RBM19: variants seen among roughly 807,000 people sequenced by gnomAD.
RBM19 encodes RNA binding motif protein 19, also known as probable RNA-binding protein 19.
A neutral mutation model predicts 116.8 loss-of-function variants in RBM19; 94 were observed. The observed-to-expected ratio is 0.80, with a 90% CI of 0.68 to 0.95. The LOEUF is 0.95. RBM19 is among the 40% of genes least tolerant of loss of function. The pLI, the probability that RBM19 is intolerant of heterozygous loss-of-function variation, is 0.00. For synonymous variants in RBM19, 475 were observed against 494.1 expected (o/e 0.96, Z 0.51); for missense variants, 1,161 against 1,220.7 (o/e 0.95, Z 0.73).
intron 21 of RBM19, among the ~76,000 whole-genome samples, chr12:113,881,034 G>C (rs1880080013): frequency 6.6e-6 from 1 of 152,160 alleles, no homozygotes; most frequent in African/African-American, 2.4e-5. Flanking sequence ...ATCACATCCT[G>C]AACACCATCA....
intron 23 of RBM19, among the ~76,000 whole-genome samples, chr12:113,829,612 G>C (rs1329024490): frequency 6.6e-6 from 1 of 152,204 alleles, no homozygotes; most frequent in Middle Eastern, 3.2e-3. Context: ...CAGCCATGGG[G>C]GCCACACTGG....
At chr12:113,857,882 A>G (rs1349880802) in intron 22 of RBM19, among the ~76,000 whole-genome samples, 1 of 152,188 alleles carries the variant, frequency 6.6e-6, no homozygotes, top group Admixed American at 6.5e-5. Context: ...GGAAATGTTC[A>G]CTGTTCTTCT....
intron 16 of RBM19, among the ~76,000 whole-genome samples, chr12:113,927,787 T>C (rs1252692714): frequency 6.6e-6 from 1 of 152,038 alleles, no homozygotes; most frequent in African/African-American, 2.4e-5. Flanking sequence ...ACACAAAAGG[T>C]GTGGTTTTGT....
chr12:113,851,848 C>T lies in RBM19; in HGVS notation c.2664+6943G>A, dbSNP rs190213126. 4.6e-3 allele frequency among the ~76,000 whole-genome samples: 692 copies of T among 151,212 alleles called. 8 individuals carry two copies. The highest frequency in any genetic ancestry group is 0.016 in the African/African-American group (640 of 41,202). On this transcript the variant is annotated intron_variant, in intron 22 of 23. Coordinates refer to ENST00000261741, the MANE Select transcript of RBM19 (RefSeq NM_016196.4). ...TGGGAATCACTTGAGGCCAGGAGTT[C>T]GAGACTAGCCTGACCAACATGGAGA...
intron 4 of RBM19, 70 bp from the exon 5 acceptor site, chr12:113,959,474 G>A: frequency 6.7e-7 from 1 of 1,496,654 alleles, no homozygotes; most frequent in Non-Finnish European, 9.1e-7. Flanking sequence ...GAAGGCTCAG[G>A]TGGGGCTTGA....
intron 23 of RBM19, among the ~76,000 whole-genome samples, chr12:113,829,820 A>G (rs1875210794): frequency 6.6e-6 from 1 of 152,220 alleles, no homozygotes; most frequent in Non-Finnish European, 1.5e-5. Flanking sequence ...ATGAAAGCTA[A>G]CAATCAAAGG....
In RBM19 at chr12:113,825,257, C is replaced by A. The variant is rs1418808370; in HGVS notation, c.2786-1936G>T. ...TGCAGAAGGTGCGGGAGGTGCCCAC[C>A]TGCCTGCCACCTGAGAGCCTCAAGG... is the stretch of plus-strand genomic sequence containing the variant. On this transcript the variant is annotated intron_variant, in intron 23 of 23. Coordinates refer to ENST00000261741, the MANE Select transcript of RBM19 (RefSeq NM_016196.4). The surrounding 1 kb of genome is among the most constrained non-coding windows in gnomAD (Gnocchi z 5.7). 1.3e-5 allele frequency among the ~76,000 whole-genome samples: 2 copies of A among 151,750 alleles called. No homozygotes were observed. The highest frequency in any genetic ancestry group is 4.8e-5 in the African/African-American group (2 of 41,356).
intron 21 of RBM19, among the ~76,000 whole-genome samples, chr12:113,861,474 CTGTGTGTGTGTGTGTGTG>C (rs57704604): frequency 3.2e-5 from 4 of 126,420 alleles, no homozygotes; most frequent in African/African-American, 1.2e-4. Flanking sequence ...AAGCCAGACT[CTGTGTGTGTGTGTGTGTG>C]TGTGTGTGTG....
At chr12:113,947,733 T>C (rs1008505081) in intron 10 of RBM19, among the ~76,000 whole-genome samples, 9 of 152,234 alleles carry the variant, frequency 5.9e-5, no homozygotes, top group African/African-American at 2.2e-4. Context: ...ACCTAGCTCA[T>C]GGGCTAAATG....
At chr12:113,840,276 C>G (rs1016508397) in intron 23 of RBM19, among the ~76,000 whole-genome samples, 3 of 152,188 alleles carry the variant, frequency 2.0e-5, no homozygotes, top group African/African-American at 7.2e-5. Context: ...CTCAGGCCAC[C>G]TTCTTGCCCC....
chr12:113,854,349 C>T (rs1241242363), intron 22 of RBM19, among the ~76,000 whole-genome samples: 4 of 152,112 alleles, frequency 2.6e-5, no homozygotes, highest in Admixed American at 6.5e-5. Flanking sequence ...GGTTGCATGG[C>T]GTTGATGACA....
intron 21 of RBM19, among the ~76,000 whole-genome samples, chr12:113,911,361 C>T (rs917208511): frequency 5.3e-5 from 8 of 152,294 alleles, no homozygotes; most frequent in African/African-American, 1.9e-4. Context: ...TACAGGATTA[C>T]AGCCTTCCTT....
intron 23 of RBM19, among the ~76,000 whole-genome samples, chr12:113,836,910 C>A (rs1331821251): frequency 2.5e-5 from 1 of 40,778 alleles, no homozygotes. Context: ...ACACCCCCCC[C>A]CCCCCCACAT....
At chr12:113,904,933 G>A (rs577870553) in intron 21 of RBM19, among the ~76,000 whole-genome samples, 1 of 152,270 alleles carries the variant, frequency 6.6e-6, no homozygotes, top group East Asian at 1.9e-4. Flanking sequence ...CTCTGCCATA[G>A]TCCTCACCAA....
intron 10 of RBM19, among the ~76,000 whole-genome samples, chr12:113,948,393 C>T (rs1014944225): frequency 6.6e-6 from 1 of 152,180 alleles, no homozygotes; most frequent in Non-Finnish European, 1.5e-5. Flanking sequence ...ATTTGGTGCT[C>T]AGCTTGGATA....
chr12:113,958,340 T>G (rs190569348), intron 5 of RBM19, among the ~76,000 whole-genome samples: 3 of 152,198 alleles, frequency 2.0e-5, no homozygotes, highest in Admixed American at 1.3e-4. Flanking sequence ...CTTTACAGAG[T>G]AGGTACAGGA....
In RBM19 at chr12:113,950,084, C is replaced by A. The variant is rs201753753; in HGVS notation, c.1071G>T (p.Met357Ile). The change falls in exon 9 of 24, where the codon ATG (methionine) becomes ATT (isoleucine). Residue 357 changes from methionine (M) to isoleucine (I), a missense_variant and splice_region_variant. Coordinates refer to ENST00000261741, the MANE Select transcript of RBM19 (RefSeq NM_016196.4). ...AGCACATGGCCAGGGCTTCCTTACC[C>A]ATGTACTCCCGGTTGCATTTCAGAG... is the stretch of plus-strand genomic sequence containing the variant. ...KQALKCNREY[M>I]GGRYIEVFRE... The A allele has an allele frequency of 6.2e-7, 1 of 1,601,982 alleles. No homozygotes were observed. Among genetic ancestry groups the A allele is most frequent in the Non-Finnish European group, 8.6e-7 (1 of 1,169,100 alleles).
chr12:113,843,826 C>A (rs1876714817), intron 23 of RBM19, among the ~76,000 whole-genome samples: 1 of 152,218 alleles, frequency 6.6e-6, no homozygotes, highest in Non-Finnish European at 1.5e-5. Context: ...CGAGGCCCTG[C>A]TGACCTCATC....
chr12:113,928,625 A>ATGTGTGTGTG (rs57242923), intron 16 of RBM19, among the ~76,000 whole-genome samples: 10,580 of 120,186 alleles, frequency 0.088, 634 homozygotes, highest in Non-Finnish European at 0.11. Context: ...TTAGCAAGGG[A>ATGTGTGTGTG]TGTGTGTGTG....
Sources: gnomAD v4.1 joint callset for allele counts (sites outside exome capture counted in the v4.1 genomes callset) on GRCh38, gnomAD v4.1.1 for gene constraint, Gnocchi (gnomAD v3.1) non-coding constraint, MANE v1.5 for transcripts, NCBI Gene and HGNC (gene_info 2026-07-23, HGNC 2026-07-21) for gene names.